FNDC1: variants seen among roughly 807,000 people sequenced by gnomAD.
FNDC1 encodes the protein fibronectin type III domain-containing protein 1.
In FNDC1, 96 loss-of-function variants were observed where a neutral mutation model predicts 168.0. The ratio of observed to expected loss-of-function variants is 0.57; its 90% CI spans 0.48 to 0.68. FNDC1 has a LOEUF of 0.68. Ranked by LOEUF, FNDC1 falls within the 30% of genes least tolerant of loss-of-function variation. The pLI, the probability that FNDC1 is intolerant of heterozygous loss-of-function variation, is 0.00. For synonymous variants in FNDC1, 1,099 were observed against 1,025.9 expected (o/e 1.07, Z -1.36); for missense variants, 2,587 against 2,482.1 (o/e 1.04, Z -0.90).
intron 1 of FNDC1, among the ~76,000 whole-genome samples, chr6:159,193,110 G>T (rs1782172404): frequency 6.6e-6 from 1 of 152,142 alleles, no homozygotes; most frequent in Non-Finnish European, 1.5e-5. Flanking sequence ...GAGTCCAACA[G>T]CTCATGTGTG....
chr6:159,226,437 G>A lies in FNDC1; in HGVS notation c.1073-36G>A, dbSNP rs569576305. 2.3e-5 allele frequency: 35 copies of A among 1,517,486 alleles called. No individual in the cohort carries two copies. The Middle Eastern group carries it at 5.4e-4, about 23-fold the overall frequency. The allele number at this position is 1,517,486 out of a possible 1,614,324, so 94.0% of individuals were successfully genotyped here. ...ATTTACATCTAGAATGTCCGGTAAGGCATTTAAAAATGTTTCTTTCCTTGT... is the reference window on the plus strand; with the variant it reads ...ATTTACATCTAGAATGTCCGGTAAGACATTTAAAAATGTTTCTTTCCTTGT... On this transcript the variant is annotated intron_variant, in intron 8 of 22. Transcript: ENST00000297267.
At chr6:159,269,257 C>CTGTCT (rs1554229873) in intron 22 of FNDC1, among the ~76,000 whole-genome samples, 1 of 42,624 alleles carries the variant, frequency 2.3e-5, no homozygotes, top group African/African-American at 7.8e-5. Flanking sequence ...ATCCATCTAT[C>CTGTCT]ATCTATCTAT....
intron 14 of FNDC1, among the ~76,000 whole-genome samples, chr6:159,243,748 A>G (rs1783481584): frequency 6.6e-6 from 1 of 152,148 alleles, no homozygotes; most frequent in Admixed American, 6.6e-5. Context: ...TTAATTGTAA[A>G]TATATTTCAT....
chr6:159,261,842 C>T (rs1028219533), intron 19 of FNDC1, among the ~76,000 whole-genome samples: 1 of 152,150 alleles, frequency 6.6e-6, no homozygotes, highest in South Asian at 2.1e-4. Flanking sequence ...TGGCTCATGC[C>T]TGTAATCCCA....
intron 4 of FNDC1, among the ~76,000 whole-genome samples, chr6:159,209,603 G>A (rs1045126886): frequency 6.6e-6 from 1 of 152,196 alleles, no homozygotes; most frequent in African/African-American, 2.4e-5. Flanking sequence ...GGAAGCCAGA[G>A]TCTCTGAAAT....
intron 5 of FNDC1, among the ~76,000 whole-genome samples, 156 bp from the exon 6 acceptor site, chr6:159,221,442 C>T (rs1782821585): frequency 6.6e-6 from 1 of 152,076 alleles, no homozygotes; most frequent in African/African-American, 2.4e-5. Flanking sequence ...TTGGGCTCGC[C>T]CTTCATAGTC....
chr6:159,199,985 G>T lies in FNDC1; in HGVS notation c.305-11G>T, dbSNP rs369458847. ...CTGAATTGGTGGCTTGATATGAACC[G>T]TATGTTTCAGAGCCGGGGGTAGTGT... On this transcript the variant is annotated splice_polypyrimidine_tract_variant and intron_variant, in intron 2 of 22. Transcript: ENST00000297267. The T allele has an allele frequency of 1.9e-6, 3 of 1,595,970 alleles. No individual in the cohort carries two copies. The South Asian group carries it at 3.4e-5, about 18-fold the overall frequency.
chr6:159,236,977 G>T (rs1307002039), intron 12 of FNDC1, among the ~76,000 whole-genome samples: 1 of 152,060 alleles, frequency 6.6e-6, no homozygotes, highest in Non-Finnish European at 1.5e-5. Context: ...CTTTTTCTAA[G>T]AATAAAAAAA....
In FNDC1 at chr6:159,239,792, C is replaced by A; in HGVS notation, c.4456C>A (p.Arg1486Ser). Residue 1486 changes from arginine to serine, a missense_variant, in exon 14 of 23, where the codon CGT becomes AGT. By Grantham distance (110) the Arg-to-Ser change is moderately radical (BLOSUM62 -1). Transcript: ENST00000297267. ...TTTTRRTTTR[R>S]PTTTVRTTTR... ...CACCACCCGCCGCACGACCACCAGG[C>A]GTCCAACAACCACAGTCCGAACCAC... The A allele has an allele frequency of 6.5e-7, 1 of 1,545,292 alleles. No individual in the cohort carries two copies. Among genetic ancestry groups the A allele is most frequent in the South Asian group, 1.2e-5 (1 of 83,694 alleles).
intron 1 of FNDC1, among the ~76,000 whole-genome samples, chr6:159,181,929 G>C (rs1364186541): frequency 6.6e-6 from 1 of 152,100 alleles, no homozygotes; most frequent in Admixed American, 6.5e-5. Context: ...CCTGTAACAT[G>C]TGCCCTGGCT....
At chr6:159,197,344 T>A in intron 1 of FNDC1, 87 bp from the exon 2 acceptor site, 2 of 1,260,288 alleles carry the variant, frequency 1.6e-6, no homozygotes, top group South Asian at 1.4e-5. Context: ...TCATTTACTG[T>A]TTTCCTAACA....
At chr6:159,242,274 C>T (rs1254366661) in intron 14 of FNDC1, among the ~76,000 whole-genome samples, 1 of 152,142 alleles carries the variant, frequency 6.6e-6, no homozygotes, top group African/African-American at 2.4e-5. Context: ...TAAGTGGGAG[C>T]TGAACAATGA....
intron 14 of FNDC1, chr6:159,241,124 T>C (rs1486279834): frequency 6.6e-6 from 1 of 152,192 alleles, no homozygotes; most frequent in African/African-American, 2.4e-5. Flanking sequence ...AGAGGAACAA[T>C]GGGAAGAAAA....
At position 159,200,531 on chromosome 6, in the gene FNDC1, T is replaced by G. The variant is rs768286329; in HGVS notation, c.410T>G (p.Ile137Ser). The change falls in exon 4 of 23, where the codon ATT becomes AGT. Residue 137 changes from isoleucine to serine, a missense_variant. Ile to Ser is a moderately radical substitution (Grantham distance 142). Coordinates refer to ENST00000297267, the MANE Select transcript of FNDC1 (RefSeq NM_032532.3). ...ESPPGGEWIE[I>S]DGFPIKGPGP... is the part of the protein sequence containing the mutation. Reference sequence around the variant, plus strand: ...AATTTAGGAGGTGAATGGATCGAGATTGATGGTTTTCCCATTAAGGGTCCA... The same window carrying G: ...AATTTAGGAGGTGAATGGATCGAGAGTGATGGTTTTCCCATTAAGGGTCCA... 1.2e-6 allele frequency: 2 copies of G among 1,600,392 alleles called. No homozygotes were observed. The highest frequency in any genetic ancestry group is 2.3e-5 in the South Asian group (2 of 88,090).
chr6:159,235,181 A>G (rs385438), intron 11 of FNDC1, among the ~76,000 whole-genome samples: 128,467 of 152,238 alleles, frequency 0.84, 54,683 homozygotes, highest in Non-Finnish European at 0.9. Context: ...AGGGTTGAAC[A>G]AAGTCCGCTA....
chr6:159,208,844 A>AT (rs369408600), intron 4 of FNDC1, among the ~76,000 whole-genome samples: 2,203 of 128,034 alleles, frequency 0.017, 33 homozygotes, highest in Non-Finnish European at 0.023. Flanking sequence ...GTTATTTTTA[A>AT]TTTTTTTTTT....
chr6:159,207,655 A>G (rs1782516238), intron 4 of FNDC1, among the ~76,000 whole-genome samples: 1 of 152,178 alleles, frequency 6.6e-6, no homozygotes, highest in Non-Finnish European at 1.5e-5. Flanking sequence ...CTACTCATAT[A>G]TTGTAATTGG....
At chr6:159,184,710 T>A (rs1360802731) in intron 1 of FNDC1, among the ~76,000 whole-genome samples, 1 of 152,164 alleles carries the variant, frequency 6.6e-6, no homozygotes, top group Non-Finnish European at 1.5e-5. Flanking sequence ...ACTTTCACAT[T>A]TTGGGAAAAG....
chr6:159,228,571 T>G (rs1783006542), intron 9 of FNDC1, among the ~76,000 whole-genome samples: 1 of 152,196 alleles, frequency 6.6e-6, no homozygotes, highest in Admixed American at 6.5e-5. Flanking sequence ...AATATACTTT[T>G]TAAAGATTGG....
Sources: allele counts gnomAD v4.1 joint callset (sites outside exome capture counted in the v4.1 genomes callset), GRCh38; gene constraint gnomAD v4.1.1; transcripts MANE v1.5; gene names NCBI Gene and HGNC (gene_info 2026-07-23, HGNC 2026-07-21).